PI4KA: variants seen among roughly 807,000 people sequenced by gnomAD.
PI4KA encodes the protein phosphatidylinositol 4-kinase alpha, also known as PI4-kinase alpha.
A neutral mutation model predicts 271.4 loss-of-function variants in PI4KA; 122 were observed. That is an observed-to-expected ratio of 0.45 (90% CI 0.39 to 0.52). The LOEUF is 0.52. PI4KA is among the 20% of genes least tolerant of loss of function. The pLI is 0.00. For missense variants in PI4KA, 1,969 were observed against 2,769.1 expected, an observed-to-expected ratio of 0.71 and a Z score of 6.48; for synonymous variants, 1,041 against 1,078.8, an observed-to-expected ratio of 0.96 and a Z score of 0.69.
chr22:20,842,570 TGGGAGGTTGA>T (rs1440167016), intron 1 of PI4KA, among the ~76,000 whole-genome samples: 12 of 152,108 alleles, frequency 7.9e-5, no homozygotes, highest in Admixed American at 7.9e-4. Context: ...CCCAGCACTT[TGGGAGGTTGA>T]GGTGGGCGGA....
chr22:20,785,151 C>T (rs1033925277), intron 19 of PI4KA, among the ~76,000 whole-genome samples: 1 of 151,396 alleles, frequency 6.6e-6, no homozygotes, highest in Non-Finnish European at 1.5e-5. Context: ...CTCACTGCAG[C>T]CTCAACCTCC....
intron 1 of PI4KA, among the ~76,000 whole-genome samples, chr22:20,840,834 A>T (rs190746268): frequency 1.3e-5 from 2 of 152,206 alleles, no homozygotes; most frequent in East Asian, 3.9e-4. Context: ...TGGGCAACAC[A>T]GTAAGACCCT....
intron 1 of PI4KA, among the ~76,000 whole-genome samples, chr22:20,858,142 A>C (rs1039942014): frequency 6.6e-6 from 1 of 152,304 alleles, no homozygotes; most frequent in South Asian, 2.1e-4. Flanking sequence ...ATTTTACAAG[A>C]AAGCCATCTT....
At chr22:20,714,117 G>A (rs1466560645) in intron 47 of PI4KA, among the ~76,000 whole-genome samples, 4 of 152,184 alleles carry the variant, frequency 2.6e-5, no homozygotes, top group Admixed American at 6.5e-5. Flanking sequence ...AGGGGGCACG[G>A]CCCTGATGAT....
intron 1 of PI4KA, among the ~76,000 whole-genome samples, chr22:20,851,380 C>T (rs1352690392): frequency 1.3e-5 from 2 of 152,042 alleles, no homozygotes; most frequent in Non-Finnish European, 2.9e-5. Context: ...CTTGCTCTGT[C>T]GCCCAGGCTG....
At chr22:20,811,936 C>G (rs911765760) in intron 8 of PI4KA, among the ~76,000 whole-genome samples, 1 of 149,874 alleles carries the variant, frequency 6.7e-6, no homozygotes, top group Admixed American at 6.7e-5. Flanking sequence ...TGGCGTGAAC[C>G]TGGGAGGCGG....
chr22:20,764,100 T>G (rs1037502493), intron 22 of PI4KA, among the ~76,000 whole-genome samples: 2 of 152,120 alleles, frequency 1.3e-5, no homozygotes, highest in Non-Finnish European at 2.9e-5. Flanking sequence ...TTAAGCTGAG[T>G]GTAATTTGAC....
At chr22:20,726,167 G>T in intron 42 of PI4KA, 1 of 277,688 alleles carries the variant, frequency 3.6e-6, no homozygotes, top group Non-Finnish European at 6.7e-6. Context: ...ACTTCCGGCT[G>T]AAGAGGGCAG....
rs749070592 is a variant in PI4KA at position 20,729,480 on chromosome 22, T to C, written c.4515A>G (p.Thr1505=). The change falls in exon 39 of 55, where the codon ACA becomes ACG. Residue 1505 remains threonine, a synonymous_variant. Transcript: ENST00000255882. ...CCGGGGCTGACAGCGGGTTGTACCA[T>C]GTGATGAGACGCTCGATCTCAGTGG... ...LLATEIERLI[T]WYNPLSAPEL... 14 of 1,605,872 alleles carry C rather than the reference T, an allele frequency of 8.7e-6. No individual in the cohort carries two copies. The East Asian group carries it at 2.7e-4, about 31-fold the overall frequency.
Position 20,831,255 on chromosome 22 carries a change from A to T in PI4KA, c.367+3307T>A, listed in dbSNP as rs371911390. On this transcript the variant is annotated intron_variant, in intron 3 of 54. Coordinates refer to ENST00000255882, the MANE Select transcript of PI4KA (RefSeq NM_058004.4). Reference sequence around the variant, plus strand: ...ACCGGATATGAAATTCTTCGTTGCAAATTCTTTTCTTTAACAATGCTGAAT... The same window carrying T: ...ACCGGATATGAAATTCTTCGTTGCATATTCTTTTCTTTAACAATGCTGAAT... Among the ~76,000 whole-genome samples, 16 of 151,974 alleles carry T rather than the reference A, an allele frequency of 1.1e-4. No homozygotes were observed. The South Asian group carries it at 2.9e-3, about 28-fold the overall frequency.
intron 23 of PI4KA, among the ~76,000 whole-genome samples, chr22:20,756,420 G>A (rs960547767): frequency 1.1e-4 from 16 of 152,046 alleles, no homozygotes; most frequent in East Asian, 5.8e-4. Flanking sequence ...GGGTTTCTCC[G>A]TGTTGGTCAG....
chr22:20,735,401 G>A (rs1462847118), intron 32 of PI4KA, among the ~76,000 whole-genome samples: 4 of 144,240 alleles, frequency 2.8e-5, no homozygotes, highest in Non-Finnish European at 3.1e-5. Flanking sequence ...CACACACCGC[G>A]GCTCCCTCCC....
At position 20,721,335 on chromosome 22, in the gene PI4KA, A is replaced by C. The variant is rs980964352; in HGVS notation, c.5079T>G (p.Thr1693=). ...GGCCCTCTTCATCTAGATAAATGTTAGTCTTCATGTTCCAGATGAACTGGT... is the reference window on the plus strand; with the variant it reads ...GGCCCTCTTCATCTAGATAAATGTTCGTCTTCATGTTCCAGATGAACTGGT... ...LAHQFIWNMK[T]NIYLDEEGHQ... Residue 1693 remains threonine (T), a synonymous_variant, in exon 43 of 55, where the codon ACT becomes ACG. Transcript: ENST00000255882. The C allele has an allele frequency of 1.9e-6, 3 of 1,613,982 alleles. No homozygotes were observed. The highest frequency in any genetic ancestry group is 1.7e-6 in the Non-Finnish European group (2 of 1,179,910).
intron 23 of PI4KA, among the ~76,000 whole-genome samples, chr22:20,757,846 T>C (rs1170013634): frequency 2.0e-5 from 3 of 152,020 alleles, no homozygotes; most frequent in African/African-American, 7.2e-5. Flanking sequence ...ACCCAGCCTT[T>C]TTCTTCCTTT....
At chr22:20,811,452 T>C (rs165812) in intron 8 of PI4KA, among the ~76,000 whole-genome samples, 123,013 of 152,054 alleles carry the variant, frequency 0.81, 50,340 homozygotes, top group African/African-American at 0.92. Context: ...TGGCACCTCC[T>C]TCCTCTCCGG....
intron 1 of PI4KA, among the ~76,000 whole-genome samples, chr22:20,854,390 G>C (rs942953314): frequency 6.6e-6 from 1 of 152,152 alleles, no homozygotes; most frequent in Admixed American, 6.5e-5. Flanking sequence ...CAAAGTGCTG[G>C]GATTACAGGC....
chr22:20,855,150 CAAAAA>C (rs361996), intron 1 of PI4KA, among the ~76,000 whole-genome samples: 2 of 121,512 alleles, frequency 1.6e-5, no homozygotes, highest in Non-Finnish European at 1.8e-5. Context: ...GAAACTGTCT[CAAAAA>C]AAAAAAAAAA....
chr22:20,779,552 G>A (rs1046414164), intron 19 of PI4KA: 4 of 1,614,060 alleles, frequency 2.5e-6, no homozygotes, highest in Non-Finnish European at 3.4e-6. Context: ...ACGACTATCT[G>A]GACCTGGAGA....
chr22:20,733,726 G>A lies in PI4KA; in HGVS notation c.4160+10C>T. On this transcript the variant is annotated intron_variant, in intron 35 of 54. Transcript: ENST00000255882. ...CCCTGGACGCTGCACAGCACATCTT[G>A]GGGGAGTACCTGAAGTAGTCAAAGG... The A allele has an allele frequency of 1.2e-6, 2 of 1,613,858 alleles. No homozygotes were observed. Among genetic ancestry groups the A allele is most frequent in the Non-Finnish European group, 1.7e-6 (2 of 1,179,852 alleles).
Sources: allele counts gnomAD v4.1 joint callset (sites outside exome capture counted in the v4.1 genomes callset), GRCh38; gene constraint gnomAD v4.1.1; transcripts MANE v1.5; gene names NCBI Gene and HGNC (gene_info 2026-07-23, HGNC 2026-07-21).